The following TRIM33 variants were observed in gnomAD, a reference collection of about 807,000 sequenced individuals.
The protein encoded by TRIM33 is tripartite motif containing 33.
A neutral mutation model predicts 125.4 loss-of-function variants in TRIM33; 20 were observed. That is an observed-to-expected ratio of 0.16 (90% CI 0.11 to 0.23). The LOEUF is 0.23. Ranked by LOEUF, TRIM33 falls within the 10% of genes least tolerant of loss-of-function variation. The pLI, the probability that TRIM33 is intolerant of heterozygous loss-of-function variation, is 1.00. For synonymous variants in TRIM33, 564 were observed against 513.9 expected (o/e 1.10, Z -1.32); for missense variants, 920 against 1,411.4 (o/e 0.65, Z 5.58).
chr1:114,496,146 T>C (rs1652355625), intron 1 of TRIM33, among the ~76,000 whole-genome samples: 1 of 152,244 alleles, frequency 6.6e-6, no homozygotes, highest in Non-Finnish European at 1.5e-5. Context: ...TACCCTCATA[T>C]CTGCCCTACG....
intron 5 of TRIM33, among the ~76,000 whole-genome samples, chr1:114,432,654 T>G (rs541585468): frequency 4.3e-4 from 65 of 152,070 alleles, no homozygotes; most frequent in African/African-American, 1.5e-3. Flanking sequence ...AGCATGGTGG[T>G]GGGCGCCTGT....
At chr1:114,480,749 T>C (rs1028688179) in intron 1 of TRIM33, among the ~76,000 whole-genome samples, 7 of 151,972 alleles carry the variant, frequency 4.6e-5, no homozygotes, top group Non-Finnish European at 1.0e-4. Flanking sequence ...TCAAACTGGA[T>C]AAAAAGTAAA....
chr1:114,392,847 G>A lies in TRIM33; in HGVS notation c.*4801C>T, dbSNP rs1651352408. On this transcript the variant is annotated 3_prime_UTR_variant, in exon 20 of 20. Transcript: ENST00000358465. ...AAAACAATGTGGCTTTCAAACAAGGGTTTAAAACTAATCTAATACAACTTC... is the reference window on the plus strand; with the variant it reads ...AAAACAATGTGGCTTTCAAACAAGGATTTAAAACTAATCTAATACAACTTC... 1 of 184,340 alleles carries A rather than the reference G, an allele frequency of 5.4e-6. No individual in the cohort carries two copies. The highest frequency in any genetic ancestry group is 2.0e-3 in the Middle Eastern group (1 of 498). 11.4% of individuals were successfully genotyped at this position (184,340 alleles called of 1,614,324 possible).
chr1:114,500,981 G>A (rs1163978952), intron 1 of TRIM33, among the ~76,000 whole-genome samples: 1 of 65,680 alleles, frequency 1.5e-5, no homozygotes, highest in East Asian at 2.1e-4. Context: ...ACGAGGTCAG[G>A]AGATCGAGAC....
chr1:114,507,160 A>G (rs1224810609), intron 1 of TRIM33, among the ~76,000 whole-genome samples: 1 of 152,266 alleles, frequency 6.6e-6, no homozygotes, highest in Non-Finnish European at 1.5e-5. Flanking sequence ...TGAGAAGTCA[A>G]AGTCTGAGGA....
At chr1:114,497,208 T>A (rs552400367) in intron 1 of TRIM33, among the ~76,000 whole-genome samples, 4 of 152,342 alleles carry the variant, frequency 2.6e-5, no homozygotes, top group Admixed American at 6.5e-5. Context: ...AATTTTCCCA[T>A]TATAGCATGA....
chr1:114,461,024 C>A (rs983260140), intron 4 of TRIM33, among the ~76,000 whole-genome samples: 1 of 151,600 alleles, frequency 6.6e-6, no homozygotes, highest in Non-Finnish European at 1.5e-5. Flanking sequence ...CCCGCCCCAC[C>A]CCCAATTTAT....
At chr1:114,407,233 A>G in intron 13 of TRIM33, 133 bp from the exon 14 acceptor site, 1 of 741,588 alleles carries the variant, frequency 1.3e-6, no homozygotes, top group Non-Finnish European at 2.1e-6. Context: ...AGGATACCTC[A>G]TAATGTAGTT....
chr1:114,420,344 C>G, intron 11 of TRIM33: 1 of 1,233,876 alleles, frequency 8.1e-7, no homozygotes, highest in Non-Finnish European at 1.1e-6. Context: ...ACTGACTACC[C>G]CTTTGGATCT....
At chr1:114,481,486 G>T (rs1410139894) in intron 1 of TRIM33, among the ~76,000 whole-genome samples, 1 of 151,194 alleles carries the variant, frequency 6.6e-6, no homozygotes, top group Non-Finnish European at 1.5e-5. Flanking sequence ...AGCTACTCAG[G>T]AGGCTGAGCC....
chr1:114,485,189 G>A (rs930484844), intron 1 of TRIM33, among the ~76,000 whole-genome samples: 2 of 151,996 alleles, frequency 1.3e-5, no homozygotes, highest in Non-Finnish European at 2.9e-5. Flanking sequence ...ATAATCTCAC[G>A]ACTATAATCT....
In TRIM33 at chr1:114,397,589, GTTT is replaced by G. The variant is rs66490349; in HGVS notation, c.*56_*58del. On this transcript the variant is annotated 3_prime_UTR_variant, in exon 20 of 20. Transcript: ENST00000358465. Reference sequence around the variant, plus strand: ...CTTAAAAGTTTTCTGGGTTTTTTGTGTTTTTTTTTTTTTTTTCGTTTTTTTTTT... The same window carrying G: ...CTTAAAAGTTTTCTGGGTTTTTTGTGTTTTTTTTTTTTTCGTTTTTTTTTT... 1.4e-4 allele frequency: 88 copies of G among 640,288 alleles called. 1 individual carries two copies. Among genetic ancestry groups the G allele is most frequent in the Middle Eastern group, 1.1e-3 (2 of 1,844 alleles). The allele number at this position is 640,288 out of a possible 1,614,324, so 39.7% of individuals were successfully genotyped here. A position where few individuals can be genotyped will look rare whatever the true frequency, so the allele number is the denominator to read the frequency against.
chr1:114,442,710 A>G (rs1056332996), intron 4 of TRIM33, among the ~76,000 whole-genome samples: 2 of 151,216 alleles, frequency 1.3e-5, no homozygotes, highest in African/African-American at 2.4e-5. Flanking sequence ...AAAAAGAAAA[A>G]AAAAGAAAAA....
At chr1:114,490,756 G>C (rs1267031294) in intron 1 of TRIM33, 1 of 152,172 alleles carries the variant, frequency 6.6e-6, no homozygotes, top group Non-Finnish European at 1.5e-5. Context: ...TATCTCAACA[G>C]ATTGTTCAGT....
chr1:114,425,327 G>A (rs185939065), intron 9 of TRIM33, 122 bp downstream of exon 9: 114 of 1,294,834 alleles, frequency 8.8e-5, no homozygotes, highest in Admixed American at 1.3e-4. Context: ...TTTAAACTCT[G>A]ACTTTTGAAC....
At chr1:114,487,539 A>AG (rs1401331992) in intron 1 of TRIM33, among the ~76,000 whole-genome samples, 4 of 152,124 alleles carry the variant, frequency 2.6e-5, no homozygotes, top group Admixed American at 2.0e-4. Context: ...TTGCCGTAAC[A>AG]GAAAAAAAAA....
chr1:114,427,841 T>C lies in TRIM33; in HGVS notation c.1209A>G (p.Thr403=). 1.9e-6 allele frequency: 3 copies of C among 1,614,168 alleles called. No individual in the cohort carries two copies. Among genetic ancestry groups the C allele is most frequent in the South Asian group, 1.1e-5 (1 of 91,086 alleles). The change falls in exon 7 of 20, where the codon ACA becomes ACG. Residue 403 remains threonine, a synonymous_variant. Coordinates refer to ENST00000358465, the MANE Select transcript of TRIM33 (RefSeq NM_015906.4). The part of the protein sequence containing the change: ...MKLLQQQNDI[T]GLSRQVKHVM... Reference sequence around the variant, plus strand: ...CATGCTTCACCTGCCGGGAAAGGCCTGTGATGTCATTCTGCTGCTGTAGTA... The same window carrying C: ...CATGCTTCACCTGCCGGGAAAGGCCCGTGATGTCATTCTGCTGCTGTAGTA...
intron 1 of TRIM33, among the ~76,000 whole-genome samples, chr1:114,483,659 C>A (rs547856550): frequency 6.6e-6 from 1 of 151,968 alleles, no homozygotes; most frequent in South Asian, 2.1e-4. Flanking sequence ...GCAATCCACC[C>A]GCCTCAGCCT....
At chr1:114,500,337 T>C (rs1652636830) in intron 1 of TRIM33, among the ~76,000 whole-genome samples, 1 of 152,172 alleles carries the variant, frequency 6.6e-6, no homozygotes, top group African/African-American at 2.4e-5. Flanking sequence ...TCTGTTCTTT[T>C]TTAAAGAGAT....
Sources: gnomAD v4.1 joint callset for allele counts (sites outside exome capture counted in the v4.1 genomes callset) on GRCh38, gnomAD v4.1.1 for gene constraint, MANE v1.5 for transcripts, NCBI Gene and HGNC (gene_info 2026-07-23, HGNC 2026-07-21) for gene names.